EBF3: variants seen among roughly 807,000 people sequenced by gnomAD.
EBF3 encodes the protein EBF transcription factor 3, also known as transcription factor COE3.
Under a neutral mutation model 77.1 loss-of-function variants are expected in EBF3, and 18 were observed. The ratio of observed to expected loss-of-function variants is 0.23; its 90% confidence interval spans 0.16 to 0.35. The LOEUF is 0.35. Among genes scored for constraint, EBF3 ranks in the 10% least tolerant of loss-of-function variants. The pLI, the probability that EBF3 is intolerant of heterozygous loss-of-function variation, is 1.00. For synonymous variants in EBF3, 350 were observed against 343.5 expected (o/e 1.02, Z -0.21); for missense variants, 558 against 860.0 (o/e 0.65, Z 4.39).
chr10:129,851,100 C>T (rs1484198360), intron 10 of EBF3, among the ~76,000 whole-genome samples: 1 of 152,248 alleles, frequency 6.6e-6, no homozygotes, highest in African/African-American at 2.4e-5. Context: ...TTCACCTGCG[C>T]TGCATTACTT....
At position 129,935,849 on chromosome 10, in the gene EBF3, C is replaced by T. The variant is rs1007157259; in HGVS notation, c.554+21409G>A. On this transcript the variant is annotated intron_variant, in intron 6 of 16. Transcript: ENST00000440978. The surrounding 1 kb of genome is among the most constrained non-coding windows in gnomAD (Gnocchi z 4.2). ...GCTGGGGACAGGAGAGGCCAAGACA[C>T]CAAGAGCGGCCACGATCAGCCACAG... is the stretch of plus-strand genomic sequence containing the variant. 6.6e-6 allele frequency among the ~76,000 whole-genome samples: 1 copy of T among 152,174 alleles called. No homozygotes were observed. The highest frequency in any genetic ancestry group is 2.4e-5 in the African/African-American group (1 of 41,456).
At chr10:129,853,538 A>G (rs1851039797) in intron 10 of EBF3, among the ~76,000 whole-genome samples, 1 of 152,230 alleles carries the variant, frequency 6.6e-6, no homozygotes. Flanking sequence ...ACTACATAAT[A>G]AGAACATCTG....
Position 129,938,680 on chromosome 10 carries a change from G to A in EBF3, c.554+18578C>T, listed in dbSNP as rs1201672247. On this transcript the variant is annotated intron_variant, in intron 6 of 16. Coordinates refer to ENST00000440978, the MANE Select transcript of EBF3 (RefSeq NM_001375380.1). This position sits in a 1 kb window ranked among gnomAD's most constrained non-coding sequence, Gnocchi z 5.1. ...CTCCTCCTCCTTGGCTGTTGTCCAC[G>A]AGAAAGGTGCGGCTGCAACCGACGA... is the stretch of plus-strand genomic sequence containing the variant. 3.9e-5 allele frequency among the ~76,000 whole-genome samples: 6 copies of A among 152,230 alleles called. No homozygotes were observed. Among genetic ancestry groups the A allele is most frequent in the East Asian group, 1.9e-4 (1 of 5,192 alleles).
intron 8 of EBF3, among the ~76,000 whole-genome samples, chr10:129,871,158 A>G (rs751977658): frequency 3.3e-5 from 5 of 152,182 alleles, no homozygotes; most frequent in Non-Finnish European, 7.3e-5. Flanking sequence ...TTGGCATGCA[A>G]ATCGCTTCTG....
At chr10:129,892,805 C>T (rs1486616612) in intron 6 of EBF3, among the ~76,000 whole-genome samples, 1 of 152,218 alleles carries the variant, frequency 6.6e-6, no homozygotes, top group Non-Finnish European at 1.5e-5. Flanking sequence ...CGAAACGAGG[C>T]ATAACAAGCC....
intron 6 of EBF3, among the ~76,000 whole-genome samples, chr10:129,920,263 A>G (rs11017016): frequency 0.38 from 7,265 of 18,916 alleles, 815 homozygotes; most frequent in East Asian, 0.54. Context: ...CCCGCTGTGC[A>G]GTCTAGGGCG....
chr10:129,875,329 T>C (rs1292262034), intron 7 of EBF3, among the ~76,000 whole-genome samples: 2 of 151,596 alleles, frequency 1.3e-5, no homozygotes, highest in African/African-American at 2.4e-5. Context: ...CCCTAGTAGC[T>C]GGGATTACAA....
chr10:129,867,082 C>G, intron 10 of EBF3, 59 bp downstream of exon 10: 1 of 1,578,394 alleles, frequency 6.3e-7, no homozygotes, highest in Non-Finnish European at 8.6e-7. Context: ...TCATGAGCAC[C>G]TCCTGGTGGG....
intron 6 of EBF3, among the ~76,000 whole-genome samples, chr10:129,946,626 ATTG>A (rs1177034741): frequency 6.6e-6 from 1 of 152,154 alleles, no homozygotes; most frequent in Non-Finnish European, 1.5e-5. Context: ...TTTCTCTTGG[ATTG>A]TTGTTGGCGT....
At chr10:129,871,308 C>T (rs756603668) in intron 8 of EBF3, among the ~76,000 whole-genome samples, 26 of 151,764 alleles carry the variant, frequency 1.7e-4, no homozygotes, top group Non-Finnish European at 2.9e-4. Context: ...TGGTTGTTTT[C>T]CCTCACTTGT....
chr10:129,887,490 G>A (rs758474900), intron 6 of EBF3, among the ~76,000 whole-genome samples: 12 of 152,298 alleles, frequency 7.9e-5, no homozygotes, highest in Non-Finnish European at 1.8e-4. Flanking sequence ...TAAGACAATG[G>A]AAGAGTAAAG....
chr10:129,933,286 C>T (rs1372180180), intron 6 of EBF3, among the ~76,000 whole-genome samples: 1 of 152,200 alleles, frequency 6.6e-6, no homozygotes, highest in East Asian at 1.9e-4. Context: ...GAAAAACAGG[C>T]TTTGAATAAT....
chr10:129,849,170 C>T (rs544902144), intron 10 of EBF3, among the ~76,000 whole-genome samples: 88 of 152,356 alleles, frequency 5.8e-4, no homozygotes, highest in African/African-American at 2.1e-3. Context: ...ACGGCCGGGA[C>T]TCCGTCCGAC....
intron 6 of EBF3, among the ~76,000 whole-genome samples, chr10:129,949,436 G>A (rs956639570): frequency 2.6e-5 from 4 of 152,214 alleles, no homozygotes; most frequent in Non-Finnish European, 5.9e-5. Context: ...TTTCCTGGGT[G>A]TTACCTCAAA....
rs2133950121 is a variant in EBF3 at position 129,841,825 on chromosome 10, A to G, written c.1372+291T>C. 1.3e-5 allele frequency among the ~76,000 whole-genome samples: 2 copies of G among 152,258 alleles called. 1 individual carries two copies. The highest frequency in any genetic ancestry group is 4.1e-4 in the South Asian group (2 of 4,822). ...TTAGCCCAGACTTCCAAGGAAAGCA[A>G]AGTCTCTTATGAACACATTGAGGGA... On this transcript the variant is annotated intron_variant, in intron 13 of 16. Coordinates refer to ENST00000440978, the MANE Select transcript of EBF3 (RefSeq NM_001375380.1). The surrounding 1 kb of genome is among the most constrained non-coding windows in gnomAD (Gnocchi z 4.6).
intron 6 of EBF3, among the ~76,000 whole-genome samples, chr10:129,894,875 CAG>C (rs1854261205): frequency 6.6e-6 from 1 of 152,240 alleles, no homozygotes; most frequent in South Asian, 2.1e-4. Context: ...GCCAGAGGGA[CAG>C]AGTCTCCTGC....
intron 8 of EBF3, among the ~76,000 whole-genome samples, chr10:129,871,897 C>T (rs534933923): frequency 1.3e-5 from 2 of 152,212 alleles, no homozygotes; most frequent in East Asian, 3.9e-4. Context: ...GTTTAAATGT[C>T]GAGAAACAAA....
intron 5 of EBF3, 144 bp downstream of exon 5, chr10:129,958,790 G>A (rs1437318506): frequency 1.8e-6 from 2 of 1,124,150 alleles, no homozygotes; most frequent in African/African-American, 1.7e-5. Context: ...CCGCGGCCCG[G>A]CGCGCGGCCT....
chr10:129,852,533 T>G (rs539603189), intron 10 of EBF3, among the ~76,000 whole-genome samples: 9 of 152,338 alleles, frequency 5.9e-5, no homozygotes, highest in Admixed American at 2.0e-4. Flanking sequence ...TAGTTTTCAT[T>G]TTGATGGCTT....
Sources: allele counts gnomAD v4.1 joint callset (sites outside exome capture counted in the v4.1 genomes callset), GRCh38; gene constraint gnomAD v4.1.1; non-coding constraint Gnocchi (gnomAD v3.1); transcripts MANE v1.5; gene names NCBI Gene and HGNC (gene_info 2026-07-23, HGNC 2026-07-21).